Variants in JAKMIP2 observed in about 807,000 individuals in gnomAD.
JAKMIP2 encodes janus kinase and microtubule interacting protein 2, also known as janus kinase and microtubule-interacting protein 2.
JAKMIP2 carries 25 observed loss-of-function variants against 115.0 expected under a neutral mutation model. The ratio of observed to expected loss-of-function variants is 0.22; its 90% CI spans 0.16 to 0.30. The LOEUF (loss-of-function observed/expected upper bound fraction) is 0.30. Among genes scored for constraint, JAKMIP2 ranks in the 10% least tolerant of loss-of-function variants. The pLI, the probability that JAKMIP2 is intolerant of heterozygous loss-of-function variation, is 1.00. For missense variants in JAKMIP2, 642 were observed against 957.6 expected, an observed-to-expected ratio of 0.67 and a Z score of 4.35; for synonymous variants, 334 against 343.6, an observed-to-expected ratio of 0.97 and a Z score of 0.31.
intron 9 of JAKMIP2, 91 bp from the exon 10 acceptor site, chr5:147,639,851 A>C: frequency 6.9e-7 from 1 of 1,451,412 alleles, no homozygotes. Flanking sequence ...CACTTTTTAC[A>C]AGAAGTAAAA....
chr5:147,729,574 C>A (rs1371792230), intron 1 of JAKMIP2, among the ~76,000 whole-genome samples: 2 of 151,958 alleles, frequency 1.3e-5, no homozygotes, highest in Non-Finnish European at 2.9e-5. Flanking sequence ...GAGATTGAGA[C>A]CATCCTGGCT....
chr5:147,626,890 C>G (rs561262774), intron 16 of JAKMIP2, among the ~76,000 whole-genome samples: 1 of 152,298 alleles, frequency 6.6e-6, no homozygotes, highest in African/African-American at 2.4e-5. Context: ...ATGATTCCAG[C>G]TGAATAAGGC....
At chr5:147,781,301 T>C (rs1386739161) in intron 1 of JAKMIP2, among the ~76,000 whole-genome samples, 1 of 152,188 alleles carries the variant, frequency 6.6e-6, no homozygotes, top group Non-Finnish European at 1.5e-5. Context: ...AACTGTGAAA[T>C]GGTTCCTGGA....
intron 16 of JAKMIP2, among the ~76,000 whole-genome samples, chr5:147,626,346 G>A (rs1179607870): frequency 6.6e-6 from 1 of 152,102 alleles, no homozygotes. Flanking sequence ...TACCTTTCTT[G>A]CAAAAAAAGT....
chr5:147,628,732 T>A lies in JAKMIP2; in HGVS notation c.1995+19A>T. ...AGCCAGACACCGAGATGATTTGAAA[T>A]GTTTGTACGGCTCATTACCTTCTCT... On this transcript the variant is annotated intron_variant, in intron 16 of 21. Transcript: ENST00000616793. The A allele has an allele frequency of 6.2e-7, 1 of 1,601,824 alleles. No individual in the cohort carries two copies. The highest frequency in any genetic ancestry group is 8.6e-7 in the Non-Finnish European group (1 of 1,169,504).
At chr5:147,701,142 G>T (rs371368340) in intron 1 of JAKMIP2, among the ~76,000 whole-genome samples, 2 of 152,112 alleles carry the variant, frequency 1.3e-5, no homozygotes, top group African/African-American at 4.8e-5. Flanking sequence ...AGAGAAACAA[G>T]ATAAATAAAA....
chr5:147,621,874 G>GT (rs570772302), intron 17 of JAKMIP2, among the ~76,000 whole-genome samples: 2,326 of 148,776 alleles, frequency 0.016, 61 homozygotes, highest in African/African-American at 0.052. Context: ...ATAAATTTCT[G>GT]TTTTTTTTTT....
Position 147,680,268 on chromosome 5 carries a change from C to T in JAKMIP2, c.-148-8314G>A, listed in dbSNP as rs1760187929. ...TTATCACCTATTTGTGTTAAAAGGA[C>T]AGGGTAGAGAAAGCACAGAGATCCC... is the stretch of plus-strand genomic sequence containing the variant. On this transcript the variant is annotated intron_variant, in intron 1 of 21. Transcript: ENST00000616793. 3.3e-5 allele frequency among the ~76,000 whole-genome samples: 5 copies of T among 152,242 alleles called. No individual in the cohort carries two copies. In the South Asian group the frequency reaches 1.0e-3, roughly 32 times the overall value.
intron 1 of JAKMIP2, among the ~76,000 whole-genome samples, chr5:147,722,867 T>C (rs1355349736): frequency 8.7e-6 from 1 of 115,462 alleles, no homozygotes; most frequent in African/African-American, 4.2e-5. Context: ...TCCATCCTCT[T>C]TTTTTTTATC....
At chr5:147,654,606 T>C (rs1299714239) in intron 3 of JAKMIP2, among the ~76,000 whole-genome samples, 1 of 151,948 alleles carries the variant, frequency 6.6e-6, no homozygotes, top group Admixed American at 6.6e-5. Context: ...GCTTAAGGAG[T>C]TTTGGGCTGA....
intron 19 of JAKMIP2, among the ~76,000 whole-genome samples, chr5:147,614,638 A>G (rs1756484406): frequency 6.6e-6 from 1 of 152,212 alleles, no homozygotes; most frequent in African/African-American, 2.4e-5. Flanking sequence ...GAATGTAAAA[A>G]TGATCTCCAT....
intron 1 of JAKMIP2, among the ~76,000 whole-genome samples, chr5:147,714,656 G>A (rs1031245550): frequency 2.0e-5 from 3 of 152,076 alleles, no homozygotes; most frequent in Middle Eastern, 3.2e-3. Context: ...CACAGACAAC[G>A]AGGAAATCTT....
intron 1 of JAKMIP2, among the ~76,000 whole-genome samples, chr5:147,723,818 G>A (rs1169852953): frequency 6.6e-6 from 1 of 152,072 alleles, no homozygotes; most frequent in Non-Finnish European, 1.5e-5. Context: ...CAGTAGCCTA[G>A]GGAGAGTAAC....
intron 19 of JAKMIP2, among the ~76,000 whole-genome samples, chr5:147,613,387 A>G (rs2126631866): frequency 1.3e-5 from 2 of 152,242 alleles, no homozygotes; most frequent in Middle Eastern, 3.4e-3. Flanking sequence ...ATGGTAGGAG[A>G]AAAAAAGGGA....
At position 147,612,301 on chromosome 5, in the gene JAKMIP2, C is replaced by A. The variant is rs376797518; in HGVS notation, c.2412+5G>T. The A allele has an allele frequency of 4.6e-6, 7 of 1,508,426 alleles. 1 individual carries two copies. In the South Asian group the frequency reaches 6.8e-5, roughly 15 times the overall value. 93.4% of individuals were successfully genotyped at this position (1,508,426 alleles called of 1,614,324 possible). Reference sequence around the variant, plus strand: ...AATAAGATAGTTATTGAATTTGACACCTACCTTTTCTTCTAAGTCTTTTAT... The same window carrying A: ...AATAAGATAGTTATTGAATTTGACAACTACCTTTTCTTCTAAGTCTTTTAT... On this transcript the variant is annotated splice_donor_5th_base_variant and intron_variant, in intron 20 of 21. Coordinates refer to ENST00000616793, the MANE Select transcript of JAKMIP2 (RefSeq NM_001270941.2).
chr5:147,729,423 T>A (rs1753639886), intron 1 of JAKMIP2, among the ~76,000 whole-genome samples: 1 of 152,096 alleles, frequency 6.6e-6, no homozygotes, highest in South Asian at 2.1e-4. Context: ...AAGCCTTATG[T>A]CTCTAAACCA....
intron 1 of JAKMIP2, among the ~76,000 whole-genome samples, chr5:147,721,167 CA>C (rs1753265429): frequency 6.6e-6 from 1 of 151,570 alleles, no homozygotes; most frequent in African/African-American, 2.4e-5. Context: ...GCTCGGGGGT[CA>C]GGAGTCAGGG....
At chr5:147,598,647 TCAATGCCAG>T (rs1755534879) in intron 21 of JAKMIP2, among the ~76,000 whole-genome samples, 1 of 152,178 alleles carries the variant, frequency 6.6e-6, no homozygotes, top group Admixed American at 6.5e-5. Flanking sequence ...AGTTATTTAG[TCAATGCCAG>T]CACTGAGTCC....
intron 21 of JAKMIP2, among the ~76,000 whole-genome samples, chr5:147,600,777 A>G (rs1460495895): frequency 1.3e-5 from 2 of 152,122 alleles, no homozygotes; most frequent in Non-Finnish European, 2.9e-5. Flanking sequence ...TTAAAAATCT[A>G]TATTTTTAAG....
Sources: gnomAD v4.1 joint callset for allele counts (sites outside exome capture counted in the v4.1 genomes callset) on GRCh38, gnomAD v4.1.1 for gene constraint, MANE v1.5 for transcripts, NCBI Gene and HGNC (gene_info 2026-07-23, HGNC 2026-07-21) for gene names.